NUAK1: variants seen among roughly 807,000 people sequenced by gnomAD.
NUAK1 encodes NUAK family kinase 1.
A neutral mutation model predicts 56.9 loss-of-function variants in NUAK1; 26 were observed. The observed-to-expected ratio is 0.46, with a 90% CI of 0.33 to 0.63. The LOEUF is 0.63. Ranked by LOEUF, NUAK1 falls within the 30% of genes least tolerant of loss-of-function variation. The pLI is 0.02. For synonymous variants in NUAK1, 337 were observed against 336.0 expected (o/e 1.00, Z -0.03); for missense variants, 727 against 876.1 (o/e 0.83, Z 2.15).
At chr12:106,085,299 A>G (rs1050739646) in intron 3 of NUAK1, among the ~76,000 whole-genome samples, 2 of 152,268 alleles carry the variant, frequency 1.3e-5, no homozygotes, top group Admixed American at 1.3e-4. Context: ...ATGATGAAAT[A>G]CAAAATATTA....
chr12:106,067,352 T>A lies in NUAK1; in HGVS notation c.1436A>T (p.Tyr479Phe). ...KKTQQRESGY[Y>F]SSPERSESSE... is the part of the protein sequence containing the mutation. ...AGACTCACTGCGCTCTGGGGAAGAG[T>A]AGTAACCTGATTCTCTCTGCTGGGT... The change falls in exon 7 of 7, where the codon TAC becomes TTC. Residue 479 changes from tyrosine (Y) to phenylalanine (F), a missense_variant. Transcript: ENST00000261402. This position sits in a 1 kb window ranked among gnomAD's most constrained non-coding sequence, Gnocchi z 6.0. 1 of 1,613,860 alleles carries A rather than the reference T, an allele frequency of 6.2e-7. No individual in the cohort carries two copies. Among genetic ancestry groups the A allele is most frequent in the Non-Finnish European group, 8.5e-7 (1 of 1,179,980 alleles).
At chr12:106,087,026 C>T in intron 2 of NUAK1, 141 bp from the exon 3 acceptor site, 1 of 1,069,238 alleles carries the variant, frequency 9.4e-7, no homozygotes, top group Non-Finnish European at 1.3e-6. Context: ...TCAGCCAATT[C>T]AGCATCACGA....
intron 1 of NUAK1, among the ~76,000 whole-genome samples, chr12:106,124,484 G>A (rs535222581): frequency 6.6e-6 from 1 of 152,282 alleles, no homozygotes; most frequent in Admixed American, 6.5e-5. Context: ...CAAAACTGAT[G>A]AAAACCCCTG....
intron 4 of NUAK1, among the ~76,000 whole-genome samples, chr12:106,075,407 A>G (rs1319058138): frequency 1.3e-5 from 2 of 152,102 alleles, no homozygotes; most frequent in African/African-American, 4.8e-5. Flanking sequence ...ACTTATATCA[A>G]CTATTGATAA....
At chr12:106,136,265 A>T (rs2033128802) in intron 1 of NUAK1, among the ~76,000 whole-genome samples, 3 of 152,198 alleles carry the variant, frequency 2.0e-5, no homozygotes, top group African/African-American at 7.2e-5. Flanking sequence ...ATTTAGCTGA[A>T]ATTAATAGCA....
chr12:106,071,665 A>G (rs1361658029), intron 5 of NUAK1, among the ~76,000 whole-genome samples: 1 of 152,260 alleles, frequency 6.6e-6, no homozygotes, highest in Non-Finnish European at 1.5e-5. Flanking sequence ...TTTGCTGACC[A>G]GATCACAGAC....
chr12:106,090,119 G>A (rs888233592), intron 2 of NUAK1, among the ~76,000 whole-genome samples: 11 of 152,130 alleles, frequency 7.2e-5, no homozygotes, highest in Non-Finnish European at 1.0e-4. Flanking sequence ...TATGGAGCCA[G>A]TTTGGGAAAC....
intron 1 of NUAK1, among the ~76,000 whole-genome samples, chr12:106,125,954 T>A (rs909839663): frequency 4.6e-5 from 7 of 152,252 alleles, no homozygotes; most frequent in Admixed American, 2.6e-4. Flanking sequence ...GAGTTCACTA[T>A]CAAATCTACT....
At chr12:106,080,220 G>A (rs371245500) in intron 4 of NUAK1, among the ~76,000 whole-genome samples, 21 of 152,316 alleles carry the variant, frequency 1.4e-4, no homozygotes, top group African/African-American at 3.6e-4. Context: ...CACAGCAGCC[G>A]CGCTTCCATT....
rs147896976 is a variant in NUAK1, at chr12:106,066,993, G to A, written c.1795C>T (p.Arg599Cys). 30 of 1,614,116 alleles carry A rather than the reference G, an allele frequency of 1.9e-5. No homozygotes were observed. The Admixed American group carries it at 2.0e-4, about 11-fold the overall frequency. The change falls in exon 7 of 7, where the codon CGC becomes TGC. Residue 599 changes from arginine (R) to cysteine (C), a missense_variant. Arg to Cys is a radical substitution (Grantham distance 180). Coordinates refer to ENST00000261402, the MANE Select transcript of NUAK1 (RefSeq NM_014840.3). ...AAGTTTTCTGCAGAGACGCAGCTGC[G>A]GATGCGCTGGCGGGCAGGGCGATTC... ...QENRPARQRI[R>C]SCVSAENFLQ...
intron 4 of NUAK1, among the ~76,000 whole-genome samples, chr12:106,082,017 C>T (rs531395004): frequency 5.9e-5 from 9 of 152,338 alleles, no homozygotes; most frequent in African/African-American, 2.2e-4. Flanking sequence ...AGCTGACTTC[C>T]GGTTCAATTC....
chr12:106,119,654 C>G (rs559778815), intron 1 of NUAK1, among the ~76,000 whole-genome samples: 5 of 152,084 alleles, frequency 3.3e-5, no homozygotes, highest in African/African-American at 1.2e-4. Context: ...CTGTATCTGG[C>G]GAGTTTTCAG....
At chr12:106,094,637 T>G (rs965517260) in intron 2 of NUAK1, among the ~76,000 whole-genome samples, 1 of 152,240 alleles carries the variant, frequency 6.6e-6, no homozygotes, top group Non-Finnish European at 1.5e-5. Flanking sequence ...AAGACTTTTT[T>G]GTTCACTCAC....
intron 1 of NUAK1, among the ~76,000 whole-genome samples, chr12:106,130,644 G>C (rs935871735): frequency 6.6e-6 from 1 of 152,244 alleles, no homozygotes; most frequent in African/African-American, 2.4e-5. Flanking sequence ...CAAGGCACCA[G>C]CCGATGGGCA....
At chr12:106,107,842 C>T (rs574555313) in intron 1 of NUAK1, among the ~76,000 whole-genome samples, 105 of 152,278 alleles carry the variant, frequency 6.9e-4, no homozygotes, top group Non-Finnish European at 1.2e-3. Context: ...TATGTATTGA[C>T]CTCCCAAAAG....
chr12:106,106,202 T>C (rs954410421), intron 2 of NUAK1: 83 of 441,572 alleles, frequency 1.9e-4, no homozygotes, highest in Non-Finnish European at 6.0e-5. Context: ...GCCAGAGATA[T>C]TTTATGACCA....
At chr12:106,136,822 T>C (rs907918582) in intron 1 of NUAK1, among the ~76,000 whole-genome samples, 3 of 152,190 alleles carry the variant, frequency 2.0e-5, no homozygotes, top group Admixed American at 6.5e-5. Flanking sequence ...GCCTGGGGAA[T>C]ATCACCTCAG....
intron 2 of NUAK1, 137 bp downstream of exon 2, chr12:106,106,268 C>A: frequency 1.4e-6 from 1 of 720,908 alleles, no homozygotes; most frequent in Non-Finnish European, 2.2e-6. Flanking sequence ...TAAGAGATAA[C>A]ACCCGACTAT....
chr12:106,106,381 T>A (rs201254021), intron 2 of NUAK1, 24 bp downstream of exon 2: 2 of 927,676 alleles, frequency 2.2e-6, no homozygotes, highest in Non-Finnish European at 2.8e-6. Context: ...GATATGGGGG[T>A]TAAAAAAAAA....
Sources: gnomAD v4.1 joint callset for allele counts (sites outside exome capture counted in the v4.1 genomes callset) on GRCh38, gnomAD v4.1.1 for gene constraint, Gnocchi (gnomAD v3.1) non-coding constraint, MANE v1.5 for transcripts, NCBI Gene and HGNC (gene_info 2026-07-23, HGNC 2026-07-21) for gene names.